The following XKR4 variants were observed in gnomAD, a reference collection of about 807,000 sequenced individuals.
The protein encoded by XKR4 is XK-related protein 4.
A neutral mutation model predicts 53.9 loss-of-function variants in XKR4; 12 were observed. The observed-to-expected ratio is 0.22, with a 90% confidence interval of 0.14 to 0.36. The LOEUF (loss-of-function observed/expected upper bound fraction) is 0.36. Ranked by LOEUF, XKR4 falls within the 10% of genes least tolerant of loss-of-function variation. The pLI, the probability that XKR4 is intolerant of heterozygous loss-of-function variation, is 1.00. For missense variants in XKR4, 799 were observed against 859.5 expected (o/e 0.93, Z 0.88); for synonymous variants, 354 against 362.4 (o/e 0.98, Z 0.26).
At chr8:55,316,554 G>T (rs1041740120) in intron 1 of XKR4, among the ~76,000 whole-genome samples, 20 of 152,102 alleles carry the variant, frequency 1.3e-4, no homozygotes, top group Non-Finnish European at 1.5e-5. Flanking sequence ...CATTGATTTT[G>T]GTTTAGAAAG....
At chr8:55,113,302 A>G (rs919881810) in intron 1 of XKR4, among the ~76,000 whole-genome samples, 1 of 152,214 alleles carries the variant, frequency 6.6e-6, no homozygotes, top group African/African-American at 2.4e-5. Flanking sequence ...TCCATAAGGC[A>G]TGCATCTGTT....
intron 1 of XKR4, among the ~76,000 whole-genome samples, chr8:55,238,150 C>G (rs761891712): frequency 6.6e-6 from 1 of 152,210 alleles, no homozygotes. Flanking sequence ...ATTTATCTCT[C>G]TCTCTCTCTC....
rs1328617501 is a variant in XKR4, at chr8:55,539,579, C to A, written c.*15352C>A. 1 of 152,060 alleles carries A rather than the reference C, an allele frequency of 6.6e-6. No homozygotes were observed. Among genetic ancestry groups the A allele is most frequent in the African/African-American group, 2.4e-5 (1 of 41,412 alleles). 9.4% of individuals were successfully genotyped at this position (152,060 alleles called of 1,614,324 possible). ...ATTTAACCTAGGCAATTATCTGATTCATTTTTTTTAAAGTTTGTGCTGCCA... is the reference window on the plus strand; with the variant it reads ...ATTTAACCTAGGCAATTATCTGATTAATTTTTTTTAAAGTTTGTGCTGCCA... On this transcript the variant is annotated 3_prime_UTR_variant, in exon 3 of 3. Coordinates refer to ENST00000327381, the MANE Select transcript of XKR4 (RefSeq NM_052898.2).
At chr8:55,488,538 G>C (rs1806226696) in intron 2 of XKR4, among the ~76,000 whole-genome samples, 1 of 152,142 alleles carries the variant, frequency 6.6e-6, no homozygotes, top group South Asian at 2.1e-4. Flanking sequence ...AGAAAGACTT[G>C]GAGGAATTTT....
chr8:55,483,251 T>C (rs1806140361), intron 2 of XKR4, among the ~76,000 whole-genome samples: 1 of 152,136 alleles, frequency 6.6e-6, no homozygotes, highest in African/African-American at 2.4e-5. Flanking sequence ...AACTACAAAC[T>C]TTTTCTAAAC....
At chr8:55,325,698 A>C (rs1310256369) in intron 1 of XKR4, among the ~76,000 whole-genome samples, 1 of 152,184 alleles carries the variant, frequency 6.6e-6, no homozygotes, top group African/African-American at 2.4e-5. Context: ...AGGTGACAAG[A>C]TGTCAAGATA....
At chr8:55,374,173 T>C (rs1804114643) in intron 2 of XKR4, among the ~76,000 whole-genome samples, 1 of 152,232 alleles carries the variant, frequency 6.6e-6, no homozygotes, top group Admixed American at 6.5e-5. Context: ...ATCTTCATTA[T>C]TTAGTGTATA....
intron 1 of XKR4, among the ~76,000 whole-genome samples, chr8:55,204,884 A>G (rs1022385308): frequency 3.9e-5 from 6 of 152,264 alleles, no homozygotes; most frequent in African/African-American, 1.4e-4. Flanking sequence ...ACATTTTGAT[A>G]GTAGATACAA....
At chr8:55,228,352 A>G (rs1402289687) in intron 1 of XKR4, among the ~76,000 whole-genome samples, 1 of 152,232 alleles carries the variant, frequency 6.6e-6, no homozygotes, top group African/African-American at 2.4e-5. Context: ...TAGATATCAA[A>G]AAGAACCACT....
chr8:55,140,651 A>T (rs1816690517), intron 1 of XKR4, among the ~76,000 whole-genome samples: 1 of 152,174 alleles, frequency 6.6e-6, no homozygotes, highest in African/African-American at 2.4e-5. Flanking sequence ...GCCTGCAGGG[A>T]TGTCTGGTGT....
At chr8:55,364,117 C>G (rs1196969303) in intron 2 of XKR4, among the ~76,000 whole-genome samples, 1 of 152,096 alleles carries the variant, frequency 6.6e-6, no homozygotes, top group Non-Finnish European at 1.5e-5. Context: ...TCACCTGCTC[C>G]GGGAAGGGGC....
intron 1 of XKR4, among the ~76,000 whole-genome samples, chr8:55,311,829 CAAAAAAAAAA>C (rs57826022): frequency 3.0e-5 from 3 of 98,570 alleles, no homozygotes; most frequent in South Asian, 3.3e-4. Context: ...TGTAATTTAG[CAAAAAAAAAA>C]AAAAAAAAAA....
chr8:55,344,870 C>T (rs1055511356), intron 1 of XKR4, among the ~76,000 whole-genome samples: 2 of 152,196 alleles, frequency 1.3e-5, no homozygotes, highest in African/African-American at 4.8e-5. Flanking sequence ...TGAAGAGTAA[C>T]TACTCATGTA....
chr8:55,324,985 C>A (rs1171607861), intron 1 of XKR4, among the ~76,000 whole-genome samples: 3 of 149,928 alleles, frequency 2.0e-5, no homozygotes, highest in African/African-American at 5.0e-5. Context: ...ATATCTAATT[C>A]ATTCAGTAAG....
At chr8:55,450,501 C>A (rs1188193121) in intron 2 of XKR4, 1 of 636,422 alleles carries the variant, frequency 1.6e-6, no homozygotes, top group South Asian at 1.6e-5. Context: ...AGCCCCAGCT[C>A]AATGTGCTCA....
intron 2 of XKR4, among the ~76,000 whole-genome samples, chr8:55,378,863 C>G (rs1046253365): frequency 1.3e-5 from 2 of 152,300 alleles, no homozygotes; most frequent in Non-Finnish European, 2.9e-5. Context: ...CCCAACACCC[C>G]CTTCTAGCTT....
chr8:55,213,282 G>A (rs953332353), intron 1 of XKR4, among the ~76,000 whole-genome samples: 4 of 152,192 alleles, frequency 2.6e-5, no homozygotes, highest in Non-Finnish European at 1.5e-5. Flanking sequence ...GTCAGAGGGT[G>A]AGGAGTGTTG....
intron 1 of XKR4, among the ~76,000 whole-genome samples, chr8:55,225,014 T>C (rs13260567): frequency 0.15 from 23,297 of 152,200 alleles, 2,161 homozygotes; most frequent in Non-Finnish European, 0.21. Flanking sequence ...TTAAGTAAAA[T>C]AATTTTAAAG....
intron 2 of XKR4, among the ~76,000 whole-genome samples, chr8:55,410,194 T>C (rs1194328995): frequency 6.6e-6 from 1 of 152,010 alleles, no homozygotes; most frequent in Non-Finnish European, 1.5e-5. Context: ...GCTGCATCTC[T>C]CAGACAACAC....
Sources: gnomAD v4.1 joint callset for allele counts (sites outside exome capture counted in the v4.1 genomes callset) on GRCh38, gnomAD v4.1.1 for gene constraint, MANE v1.5 for transcripts, NCBI Gene and HGNC (gene_info 2026-07-23, HGNC 2026-07-21) for gene names.